Variants in NAALADL2 observed in about 807,000 individuals in gnomAD.
NAALADL2 encodes inactive N-acetylated-alpha-linked acidic dipeptidase-like protein 2.
In NAALADL2, 76 loss-of-function variants were observed where a neutral mutation model predicts 87.2. The observed-to-expected ratio is 0.87, with a 90% CI of 0.72 to 1.05. NAALADL2 has a LOEUF of 1.05. NAALADL2 is among the 50% of genes least tolerant of loss of function. The probability of loss-of-function intolerance (pLI) is 0.00; values close to 1 mark genes in which losing one functional copy is unlikely to be tolerated. For missense variants in NAALADL2, 1,089 were observed against 945.8 expected (o/e 1.15, Z -1.99); for synonymous variants, 354 against 331.0 (o/e 1.07, Z -0.75).
At chr3:174,661,940 A>G (rs1725543397) in intron 2 of NAALADL2, among the ~76,000 whole-genome samples, 1 of 152,170 alleles carries the variant, frequency 6.6e-6, no homozygotes, top group Admixed American at 6.5e-5. Flanking sequence ...AAAGCAAAAT[A>G]CTGCATGTTC....
At chr3:175,524,851 A>G (rs62287120) in intron 9 of NAALADL2, among the ~76,000 whole-genome samples, 9,610 of 152,234 alleles carry the variant, frequency 0.063, 419 homozygotes, top group South Asian at 0.12. Context: ...ACATGTAGCT[A>G]TCATATTAAA....
intron 1 of NAALADL2, among the ~76,000 whole-genome samples, chr3:175,050,108 G>A (rs9867331): frequency 0.11 from 16,156 of 152,144 alleles, 860 homozygotes; most frequent in Middle Eastern, 0.2. Flanking sequence ...GGTTGTGTGT[G>A]TGTGAGTGTG....
chr3:175,581,799 G>T (rs931832447), intron 10 of NAALADL2, among the ~76,000 whole-genome samples: 1 of 152,246 alleles, frequency 6.6e-6, no homozygotes, highest in South Asian at 2.1e-4. Context: ...CACACTTAGA[G>T]GAATGCTTAT....
chr3:175,128,619 T>A (rs1277619929), intron 2 of NAALADL2, among the ~76,000 whole-genome samples: 1 of 152,124 alleles, frequency 6.6e-6, no homozygotes, highest in Non-Finnish European at 1.5e-5. Context: ...TATAAGGGAA[T>A]ACAAGGAGAA....
intron 2 of NAALADL2, among the ~76,000 whole-genome samples, chr3:174,684,455 A>AT (rs1336761077): frequency 6.6e-6 from 1 of 152,060 alleles, no homozygotes; most frequent in Non-Finnish European, 1.5e-5. Context: ...ATTGAATTTC[A>AT]TTTTTTCAAG....
At chr3:174,781,069 T>C (rs895069845) in intron 3 of NAALADL2, among the ~76,000 whole-genome samples, 16 of 152,098 alleles carry the variant, frequency 1.1e-4, no homozygotes, top group African/African-American at 3.6e-4. Context: ...AAATTCTGGG[T>C]TGAAAATTCT....
intron 9 of NAALADL2, among the ~76,000 whole-genome samples, chr3:175,472,601 G>A (rs900730036): frequency 2.6e-5 from 4 of 151,924 alleles, no homozygotes; most frequent in African/African-American, 4.8e-5. Flanking sequence ...AAAGAGAGAG[G>A]CAATGAACAG....
intron 2 of NAALADL2, among the ~76,000 whole-genome samples, chr3:174,630,444 T>C (rs577251776): frequency 6.6e-6 from 1 of 152,322 alleles, no homozygotes; most frequent in Non-Finnish European, 1.5e-5. Flanking sequence ...AGATTTATGA[T>C]ATGTTTATGC....
At chr3:175,762,786 A>G (rs566196697) in intron 13 of NAALADL2, among the ~76,000 whole-genome samples, 10 of 152,262 alleles carry the variant, frequency 6.6e-5, no homozygotes, top group Admixed American at 3.9e-4. Flanking sequence ...ATATGCAGTT[A>G]AGAAAAGAGT....
At chr3:175,145,512 G>A (rs1212251743) in intron 2 of NAALADL2, among the ~76,000 whole-genome samples, 4 of 151,988 alleles carry the variant, frequency 2.6e-5, no homozygotes, top group Non-Finnish European at 4.4e-5. Flanking sequence ...GAAAGAAAAT[G>A]TATTTTTTTT....
chr3:174,878,909 G>T (rs1398782096), intron 1 of NAALADL2, among the ~76,000 whole-genome samples: 1 of 151,990 alleles, frequency 6.6e-6, no homozygotes, highest in Non-Finnish European at 1.5e-5. Flanking sequence ...CCAATATGCC[G>T]ACGCCATGCA....
chr3:175,154,108 G>A (rs1183369025), intron 2 of NAALADL2, among the ~76,000 whole-genome samples: 1 of 152,154 alleles, frequency 6.6e-6, no homozygotes, highest in East Asian at 1.9e-4. Context: ...GTGGTGGCCA[G>A]TGTAACTTAA....
chr3:175,195,241 A>G (rs938024535), intron 2 of NAALADL2, among the ~76,000 whole-genome samples: 4 of 151,846 alleles, frequency 2.6e-5, no homozygotes, highest in African/African-American at 9.7e-5. Context: ...TGTGCCAGGT[A>G]TTGCTCGGAG....
In NAALADL2 at chr3:174,942,244, A is replaced by C. The variant is rs1001843525; in HGVS notation, c.43+82794A>C. Among the ~76,000 whole-genome samples, 7 of 152,260 alleles carry C rather than the reference A, an allele frequency of 4.6e-5. No individual in the cohort carries two copies. The South Asian group carries it at 1.4e-3, about 32-fold the overall frequency. On this transcript the variant is annotated intron_variant, in intron 1 of 13. Transcript: ENST00000454872. ...AGGTCTGGTATTACTGAACTCCCTC[A>C]ACATTTGCTTACCTGAAAAAAGATC... is the stretch of plus-strand genomic sequence containing the variant.
chr3:174,889,171 C>T (rs1394605674), intron 1 of NAALADL2, among the ~76,000 whole-genome samples: 1 of 152,022 alleles, frequency 6.6e-6, no homozygotes, highest in African/African-American at 2.4e-5. Flanking sequence ...ATATACAAAA[C>T]CAAAAAACCA....
At chr3:175,200,901 A>G (rs1456090940) in intron 2 of NAALADL2, among the ~76,000 whole-genome samples, 1 of 152,094 alleles carries the variant, frequency 6.6e-6, no homozygotes, top group Non-Finnish European at 1.5e-5. Flanking sequence ...CTTCAACTTG[A>G]TTTCTTTCCA....
chr3:175,077,268 A>G (rs555846409), intron 1 of NAALADL2, among the ~76,000 whole-genome samples: 1 of 152,308 alleles, frequency 6.6e-6, no homozygotes, highest in Admixed American at 6.5e-5. Flanking sequence ...ACGATTGGAG[A>G]GACCCTAGAA....
intron 1 of NAALADL2, among the ~76,000 whole-genome samples, chr3:174,994,093 C>T (rs1361947477): frequency 6.6e-6 from 1 of 152,174 alleles, no homozygotes; most frequent in African/African-American, 2.4e-5. Flanking sequence ...ATCACATTCA[C>T]AGCTTCTGGA....
rs570547729 is a variant in NAALADL2, at chr3:175,246,793, A to G, written c.820-9618A>G. ...AAAATCTTGTACTCCTGAAGCAAAC[A>G]CCTAGCTTACTTGGTGATGTGTTTA... is the stretch of plus-strand genomic sequence containing the variant. On this transcript the variant is annotated intron_variant, in intron 3 of 13. Transcript: ENST00000454872. Among the ~76,000 whole-genome samples the G allele has an allele frequency of 9.8e-5, 15 of 152,286 alleles. No homozygotes were observed. In the East Asian group the frequency reaches 2.9e-3, roughly 29 times the overall value.
Sources: gnomAD v4.1 joint callset for allele counts (sites outside exome capture counted in the v4.1 genomes callset) on GRCh38, gnomAD v4.1.1 for gene constraint, MANE v1.5 for transcripts, NCBI Gene and HGNC (gene_info 2026-07-23, HGNC 2026-07-21) for gene names.